PCDHGA10: variants seen among roughly 807,000 people sequenced by gnomAD.
PCDHGA10 encodes the protein protocadherin gamma subfamily A, 10.
A neutral mutation model predicts 59.5 loss-of-function variants in PCDHGA10; 42 were observed. The ratio of observed to expected loss-of-function variants is 0.71; its 90% CI spans 0.55 to 0.91. The LOEUF is 0.91. Ranked by LOEUF, PCDHGA10 falls within the 40% of genes least tolerant of loss-of-function variation. The pLI is 0.00. For synonymous variants in PCDHGA10, 511 were observed against 517.2 expected (o/e 0.99, Z 0.16); for missense variants, 1,111 against 1,198.2 (o/e 0.93, Z 1.07).
chr5:141,425,836 C>T (rs568578402), intron 1 of PCDHGA10, among the ~76,000 whole-genome samples: 1 of 152,344 alleles, frequency 6.6e-6, no homozygotes, highest in East Asian at 1.9e-4. Context: ...TTTAAATTCT[C>T]TTTGCTGGGT....
chr5:141,414,158 G>C lies in PCDHGA10; in HGVS notation c.983G>C (p.Gly328Ala). The change falls in exon 1 of 4, where the codon GGA (glycine) becomes GCA (alanine). Residue 328 changes from glycine to alanine, a missense_variant. Transcript: ENST00000398610. ...GAAATAGAAATACAAGCAGAAGATG[G>C]AGGAGCATATCTTGCAACTGCAAAA... ...FYEIEIQAED[G>A]GAYLATAKVL... 6.2e-7 allele frequency: 1 copy of C among 1,602,572 alleles called. No individual in the cohort carries two copies. Among genetic ancestry groups the C allele is most frequent in the Non-Finnish European group, 8.5e-7 (1 of 1,174,310 alleles).
chr5:141,436,877 A>G (rs2097851127), intron 1 of PCDHGA10, among the ~76,000 whole-genome samples: 1 of 152,252 alleles, frequency 6.6e-6, no homozygotes, highest in Admixed American at 6.5e-5. Flanking sequence ...AGGCCATAAA[A>G]GATGGGGGAA....
intron 1 of PCDHGA10, among the ~76,000 whole-genome samples, chr5:141,483,611 A>G (rs2099583566): frequency 6.6e-6 from 1 of 151,952 alleles, no homozygotes; most frequent in South Asian, 2.1e-4. Context: ...TTACACCTCC[A>G]TCATTCCCAT....
intron 1 of PCDHGA10, among the ~76,000 whole-genome samples, chr5:141,434,221 G>T (rs760622311): frequency 6.6e-6 from 1 of 152,206 alleles, no homozygotes; most frequent in Admixed American, 6.5e-5. Flanking sequence ...TGTAAACAAA[G>T]TACGATTTCT....
At chr5:141,419,917 T>C in intron 1 of PCDHGA10, 1 of 1,612,890 alleles carries the variant, frequency 6.2e-7, no homozygotes, top group Non-Finnish European at 8.5e-7. Context: ...ACTCCCAGGC[T>C]GAGATGCAGT....
chr5:141,431,022 G>A lies in PCDHGA10; in HGVS notation c.2436+15411G>A. ...CGCAGCGGCAGCTTGGTCACGGCGG[G>A]CAGGATAGACCGGGAGGAGCTCTGT... On this transcript the variant is annotated intron_variant, in intron 1 of 3. Transcript: ENST00000398610. This position sits in a 1 kb window ranked among gnomAD's most constrained non-coding sequence, Gnocchi z 4.8. 1 of 1,614,078 alleles carries A rather than the reference G, an allele frequency of 6.2e-7. No individual in the cohort carries two copies. Among genetic ancestry groups the A allele is most frequent in the African/African-American group, 1.3e-5 (1 of 75,074 alleles).
intron 1 of PCDHGA10, among the ~76,000 whole-genome samples, chr5:141,425,048 T>C (rs1590618422): frequency 6.6e-6 from 1 of 152,350 alleles, no homozygotes; most frequent in African/African-American, 2.4e-5. Flanking sequence ...AAACTGACTA[T>C]CTAGGGCTCG....
At chr5:141,472,620 A>G (rs2099290656) in intron 1 of PCDHGA10, among the ~76,000 whole-genome samples, 1 of 152,136 alleles carries the variant, frequency 6.6e-6, no homozygotes, top group Admixed American at 6.5e-5. Context: ...AGAAGAAAAA[A>G]GATAAAGACT....
chr5:141,472,980 C>CAAAAAAAAAAAAAAAAAAGAAAAAAA (rs60579131), intron 1 of PCDHGA10, among the ~76,000 whole-genome samples: 1 of 86,106 alleles, frequency 1.2e-5, no homozygotes, highest in South Asian at 4.3e-4. Flanking sequence ...GAGTGAAACT[C>CAAAAAAAAAAAAAAAAAAGAAAAAAA]AAAAAAAAAA....
In PCDHGA10 at chr5:141,476,928, T is replaced by C. The variant is rs1279715094; in HGVS notation, c.2437-17879T>C. 6.2e-7 allele frequency: 1 copy of C among 1,614,142 alleles called. No individual in the cohort carries two copies. The highest frequency in any genetic ancestry group is 2.2e-5 in the East Asian group (1 of 44,868). On this transcript the variant is annotated intron_variant, in intron 1 of 3. Transcript: ENST00000398610. This position sits in a 1 kb window ranked among gnomAD's most constrained non-coding sequence, Gnocchi z 7.6. ...GTGGTACAAGTCCTTGCAACGGATC[T>C]GGATGAAGGCCCCAACGGTGAAATT...
At position 141,491,823 on chromosome 5, in the gene PCDHGA10, C is replaced by G; in HGVS notation, c.2437-2984C>G. Reference sequence around the variant, plus strand: ...GCCGGCTTGGTCGCTGGCTGCGCTCCACCCGATTCTCGGGATCATTGGACC... The same window carrying G: ...GCCGGCTTGGTCGCTGGCTGCGCTCGACCCGATTCTCGGGATCATTGGACC... On this transcript the variant is annotated intron_variant, in intron 1 of 3. Transcript: ENST00000398610. The surrounding 1 kb of genome is among the most constrained non-coding windows in gnomAD (Gnocchi z 6.9). The G allele has an allele frequency of 6.8e-7, 1 of 1,479,156 alleles. No individual in the cohort carries two copies. Among genetic ancestry groups the G allele is most frequent in the Non-Finnish European group, 9.0e-7 (1 of 1,115,292 alleles). 91.6% of individuals were successfully genotyped at this position (1,479,156 alleles called of 1,614,324 possible). A position where few individuals can be genotyped will look rare whatever the true frequency, so the allele number is the denominator to read the frequency against.
intron 1 of PCDHGA10, among the ~76,000 whole-genome samples, chr5:141,430,383 G>GA (rs139772145): frequency 0.061 from 8,436 of 138,452 alleles, 243 homozygotes; most frequent in South Asian, 0.089. Context: ...AGCTCATTGG[G>GA]AAAAAAAAAA....
Position 141,485,267 on chromosome 5 carries a change from C to T in PCDHGA10, c.2437-9540C>T, listed in dbSNP as rs767229426. On this transcript the variant is annotated intron_variant, in intron 1 of 3. Transcript: ENST00000398610. This position sits in a 1 kb window ranked among gnomAD's most constrained non-coding sequence, Gnocchi z 5.7. ...CCTGGGTTACGTTTGTGGGCAGATC[C>T]GCTACCCGGTCCCAGAGGAGTCACA... is the stretch of plus-strand genomic sequence containing the variant. 6.2e-7 allele frequency: 1 copy of T among 1,614,088 alleles called. No homozygotes were observed. Among genetic ancestry groups the T allele is most frequent in the South Asian group, 1.1e-5 (1 of 91,082 alleles).
chr5:141,448,795 A>T (rs577803435), intron 1 of PCDHGA10, among the ~76,000 whole-genome samples: 1 of 152,086 alleles, frequency 6.6e-6, no homozygotes, highest in African/African-American at 2.4e-5. Context: ...AAAAAAAAAA[A>T]TTAGCCAGGC....
intron 1 of PCDHGA10, among the ~76,000 whole-genome samples, chr5:141,480,098 T>C (rs1415853757): frequency 6.6e-6 from 1 of 152,168 alleles, no homozygotes. Context: ...GTATGCAAAG[T>C]GTTTAGCATG....
chr5:141,439,211 A>G (rs1438403213), intron 1 of PCDHGA10, among the ~76,000 whole-genome samples: 1 of 151,666 alleles, frequency 6.6e-6, no homozygotes, highest in Non-Finnish European at 1.5e-5. Flanking sequence ...AAAAATCCAT[A>G]TGTGAAAATT....
At position 141,418,775 on chromosome 5, in the gene PCDHGA10, C is replaced by T. The variant is rs773519128; in HGVS notation, c.2436+3164C>T. 4 of 1,613,764 alleles carry T rather than the reference C, an allele frequency of 2.5e-6. No individual in the cohort carries two copies. In the East Asian group the frequency reaches 6.7e-5, roughly 27 times the overall value. ...TACAGGAAACATTCTAACTCAGCAG[C>T]CTTTGGATTTTGAAGAAGTAGAAAG... On this transcript the variant is annotated intron_variant, in intron 1 of 3. Transcript: ENST00000398610.
At chr5:141,423,094 C>CGCGTGCGT (rs2096708722) in intron 1 of PCDHGA10, 4 of 1,613,860 alleles carry the variant, frequency 2.5e-6, no homozygotes, top group African/African-American at 2.7e-5. Flanking sequence ...GGTGGGGGAG[C>CGCGTGCGT]ACACGGGCGA....
At position 141,494,934 on chromosome 5, in the gene PCDHGA10, T is replaced by C. The variant is rs2099757666; in HGVS notation, c.2495+69T>C. On this transcript the variant is annotated intron_variant, in intron 2 of 3. Transcript: ENST00000398610. ...TTCTCAGGGATGACGTGGGAGGAGA[T>C]GGGGGAGGGCCCAGCATTTGCTACA... 5.6e-6 allele frequency: 9 copies of C among 1,612,736 alleles called. No individual in the cohort carries two copies. The South Asian group carries it at 7.7e-5, about 14-fold the overall frequency.
Sources: allele counts gnomAD v4.1 joint callset (sites outside exome capture counted in the v4.1 genomes callset), GRCh38; gene constraint gnomAD v4.1.1; non-coding constraint Gnocchi (gnomAD v3.1); transcripts MANE v1.5; gene names NCBI Gene and HGNC (gene_info 2026-07-23, HGNC 2026-07-21).